Variants in SLC10A7 observed in about 807,000 individuals in gnomAD.
SLC10A7 encodes solute carrier family 10 member 7, also known as sodium/bile acid cotransporter 7.
In SLC10A7, 29 loss-of-function variants were observed where a neutral mutation model predicts 43.2. The ratio of observed to expected loss-of-function variants is 0.67; its 90% CI spans 0.50 to 0.92. The LOEUF (loss-of-function observed/expected upper bound fraction) is 0.92. Among genes scored for constraint, SLC10A7 ranks in the 40% least tolerant of loss-of-function variants. The probability of loss-of-function intolerance (pLI) is 0.00; values close to 1 mark genes in which losing one functional copy is unlikely to be tolerated. For synonymous variants in SLC10A7, 152 were observed against 144.8 expected (o/e 1.05, Z -0.35); for missense variants, 295 against 403.2 (o/e 0.73, Z 2.30).
intron 5 of SLC10A7, among the ~76,000 whole-genome samples, chr4:146,405,270 G>C (rs980033554): frequency 2.6e-5 from 4 of 152,044 alleles, no homozygotes; most frequent in African/African-American, 7.2e-5. Flanking sequence ...TTCATGATTT[G>C]ATAGATTTTT....
At chr4:146,336,677 T>C (rs934278455) in intron 5 of SLC10A7, among the ~76,000 whole-genome samples, 1 of 152,102 alleles carries the variant, frequency 6.6e-6, no homozygotes, top group Non-Finnish European at 1.5e-5. Flanking sequence ...ATATTTACTT[T>C]ACCATTTCTA....
rs1728289199 is a variant in SLC10A7, at chr4:146,412,790, ACTAT to A, written c.435+29989_435+29992del. On this transcript the variant is annotated intron_variant, in intron 5 of 11. Transcript: ENST00000335472. ...GGGAGAAGAACTAGAACAAAATTGA[ACTAT>A]CTATTGTTCTTACTTACTCTGCTTA... 2.6e-5 allele frequency among the ~76,000 whole-genome samples: 4 copies of A among 152,050 alleles called. No individual in the cohort carries two copies. In the East Asian group the frequency reaches 7.7e-4, roughly 29 times the overall value.
chr4:146,362,889 TAA>T (rs1162251327), intron 5 of SLC10A7, among the ~76,000 whole-genome samples: 1 of 151,438 alleles, frequency 6.6e-6, no homozygotes, highest in Non-Finnish European at 1.5e-5. Context: ...AGCAAGAAAT[TAA>T]AAGATACTGT....
At chr4:146,395,762 A>G (rs879421091) in intron 5 of SLC10A7, among the ~76,000 whole-genome samples, 4 of 152,198 alleles carry the variant, frequency 2.6e-5, no homozygotes, top group Non-Finnish European at 4.4e-5. Flanking sequence ...GTCTTGCTAG[A>G]GGAGTGTTAC....
At chr4:146,515,363 T>C (rs776432396) in intron 2 of SLC10A7, among the ~76,000 whole-genome samples, 3 of 152,242 alleles carry the variant, frequency 2.0e-5, no homozygotes, top group Admixed American at 6.5e-5. Context: ...AATATCTTTC[T>C]GTATCACTGT....
intron 4 of SLC10A7, among the ~76,000 whole-genome samples, chr4:146,501,349 T>C (rs1488625295): frequency 2.6e-5 from 4 of 152,230 alleles, no homozygotes; most frequent in Admixed American, 6.5e-5. Context: ...TTTACCTATG[T>C]GGCTGACATT....
intron 5 of SLC10A7, among the ~76,000 whole-genome samples, chr4:146,373,998 A>G (rs1736980624): frequency 6.6e-6 from 1 of 152,212 alleles, no homozygotes; most frequent in Non-Finnish European, 1.5e-5. Flanking sequence ...TATGGAGCAT[A>G]CAGGAAATAC....
In SLC10A7 at chr4:146,254,761, T is replaced by C. The variant is rs1727809177; in HGVS notation, c.*1730A>G. 1 of 152,184 alleles carries C rather than the reference T, an allele frequency of 6.6e-6. No homozygotes were observed. The highest frequency in any genetic ancestry group is 1.5e-5 in the Non-Finnish European group (1 of 68,024). The allele number at this position is 152,184 out of a possible 1,614,324, so 9.4% of individuals were successfully genotyped here. On this transcript the variant is annotated 3_prime_UTR_variant, in exon 12 of 12. Coordinates refer to ENST00000335472, the MANE Select transcript of SLC10A7 (RefSeq NM_001029998.6). ...TTACTCCAAAATTCAAAGAAACTTGTAGGAACAAAACCTAAGAGCCTTCCT... is the reference window on the plus strand; with the variant it reads ...TTACTCCAAAATTCAAAGAAACTTGCAGGAACAAAACCTAAGAGCCTTCCT...
intron 9 of SLC10A7, among the ~76,000 whole-genome samples, chr4:146,289,720 T>G (rs1423780859): frequency 5.7e-5 from 8 of 139,712 alleles, no homozygotes; most frequent in African/African-American, 1.6e-4. Context: ...TTTTTTTTTT[T>G]TTTTTTTTTT....
chr4:146,472,221 C>G (rs1432912006), intron 4 of SLC10A7, among the ~76,000 whole-genome samples: 1 of 152,018 alleles, frequency 6.6e-6, no homozygotes, highest in Non-Finnish European at 1.5e-5. Flanking sequence ...TAGTTTAAAA[C>G]AAATCAAGTT....
Position 146,451,018 on chromosome 4 carries a change from A to C in SLC10A7, c.397-8197T>G, listed in dbSNP as rs1414191528. 2.6e-5 allele frequency among the ~76,000 whole-genome samples: 4 copies of C among 151,854 alleles called. No homozygotes were observed. The East Asian group carries it at 7.7e-4, about 29-fold the overall frequency. On this transcript the variant is annotated intron_variant, in intron 4 of 11. Coordinates refer to ENST00000335472, the MANE Select transcript of SLC10A7 (RefSeq NM_001029998.6). ...CAACTGGATTTTTTACAATATACTA[A>C]AGAAAAAAAAAACCAGACAGATTAA... is the stretch of plus-strand genomic sequence containing the variant.
At position 146,333,229 on chromosome 4, in the gene SLC10A7, T is replaced by C. The variant is rs74740031; in HGVS notation, c.436-7233A>G. On this transcript the variant is annotated intron_variant, in intron 5 of 11. Transcript: ENST00000335472. ...CAAAATTAAGGGTCTTCTACACTTA[T>C]ATTAAACATTAGCTTATTAGATTTG... is the stretch of plus-strand genomic sequence containing the variant. Among the ~76,000 whole-genome samples the C allele has an allele frequency of 2.0e-3, 309 of 152,286 alleles. 1 individual carries two copies. In the East Asian group the frequency reaches 0.02, roughly 10 times the overall value.
intron 5 of SLC10A7, among the ~76,000 whole-genome samples, chr4:146,413,847 G>C (rs1001897957): frequency 4.6e-5 from 7 of 152,152 alleles, no homozygotes; most frequent in Non-Finnish European, 4.4e-5. Flanking sequence ...CCTTGAGAGA[G>C]AAAGAGATTT....
intron 5 of SLC10A7, among the ~76,000 whole-genome samples, chr4:146,438,935 G>A (rs1334054516): frequency 1.3e-5 from 2 of 151,876 alleles, no homozygotes; most frequent in Non-Finnish European, 2.9e-5. Flanking sequence ...ATATATACAC[G>A]TATATACATA....
intron 4 of SLC10A7, among the ~76,000 whole-genome samples, chr4:146,445,706 G>A (rs1011668436): frequency 1.3e-5 from 2 of 152,076 alleles, no homozygotes; most frequent in South Asian, 2.1e-4. Flanking sequence ...TAATGTGGAG[G>A]ACTTTGTTGA....
intron 5 of SLC10A7, among the ~76,000 whole-genome samples, chr4:146,435,686 AT>A: frequency 6.6e-6 from 1 of 152,310 alleles, no homozygotes; most frequent in South Asian, 2.1e-4. Flanking sequence ...TATTTGCCAC[AT>A]TATCATCAAT....
At chr4:146,286,629 T>A (rs1185102174) in intron 9 of SLC10A7, among the ~76,000 whole-genome samples, 18 of 139,666 alleles carry the variant, frequency 1.3e-4, no homozygotes, top group African/African-American at 3.8e-4. Context: ...AGAAGGACCG[T>A]GTCTGGAGTG....
chr4:146,459,211 A>G (rs1404450118), intron 4 of SLC10A7, among the ~76,000 whole-genome samples: 1 of 151,830 alleles, frequency 6.6e-6, no homozygotes, highest in Non-Finnish European at 1.5e-5. Context: ...TAAAAGACTT[A>G]AATAGAGAGA....
At chr4:146,517,159 T>C in intron 1 of SLC10A7, 39 bp from the exon 2 acceptor site, 1 of 1,503,210 alleles carries the variant, frequency 6.7e-7, no homozygotes, top group Non-Finnish European at 9.2e-7. Flanking sequence ...GAAAAGAATT[T>C]CAGTAGATAA....
Sources: allele counts gnomAD v4.1 joint callset (sites outside exome capture counted in the v4.1 genomes callset), GRCh38; gene constraint gnomAD v4.1.1; transcripts MANE v1.5; gene names NCBI Gene and HGNC (gene_info 2026-07-23, HGNC 2026-07-21).